Variants in IL1RAPL2 observed in about 807,000 individuals in gnomAD.
IL1RAPL2 encodes X-linked interleukin-1 receptor accessory protein-like 2.
A neutral mutation model predicts 44.1 loss-of-function variants in IL1RAPL2; 3 were observed. That is an observed-to-expected ratio of 0.07 (90% CI 0.03 to 0.18). IL1RAPL2 has a LOEUF of 0.18. Among genes scored for constraint, IL1RAPL2 ranks in the 10% least tolerant of loss-of-function variants. The pLI, the probability that IL1RAPL2 is intolerant of heterozygous loss-of-function variation, is 1.00. For synonymous variants in IL1RAPL2, 181 were observed against 178.8 expected (o/e 1.01, Z -0.10); for missense variants, 391 against 496.4 (o/e 0.79, Z 2.02).
intron 2 of IL1RAPL2, among the ~76,000 whole-genome samples, chrX:105,015,140 T>A (rs1346055416): frequency 9.1e-6 from 1 of 109,829 alleles, no homozygotes; most frequent in Non-Finnish European, 1.9e-5. Flanking sequence ...TTCATATCTT[T>A]TGCCTACTTT....
At chrX:105,736,684 C>T (rs2038452404) in intron 7 of IL1RAPL2, among the ~76,000 whole-genome samples, 1 of 111,562 alleles carries the variant, frequency 9.0e-6, no homozygotes, top group Admixed American at 9.5e-5. Flanking sequence ...CATCTCACAC[C>T]ATTCAGAATG....
At chrX:104,735,351 G>A (rs1294311794) in intron 2 of IL1RAPL2, among the ~76,000 whole-genome samples, 2 of 111,139 alleles carry the variant, frequency 1.8e-5, no homozygotes, top group African/African-American at 3.3e-5. Flanking sequence ...GAAATGATAT[G>A]TGCTGATGTC....
chrX:104,817,747 AAG>A (rs1454466611), intron 2 of IL1RAPL2, among the ~76,000 whole-genome samples: 1 of 112,107 alleles, frequency 8.9e-6, no homozygotes, highest in African/African-American at 3.2e-5. Flanking sequence ...CCTTGGTATG[AAG>A]ATTAAATGAA....
At chrX:104,897,795 A>G (rs1923697629) in intron 2 of IL1RAPL2, among the ~76,000 whole-genome samples, 1 of 112,050 alleles carries the variant, frequency 8.9e-6, no homozygotes, top group South Asian at 3.7e-4. Context: ...TTGCCCTCCA[A>G]AAGTGCCATG....
chrX:104,830,131 C>T (rs1921567284), intron 2 of IL1RAPL2, among the ~76,000 whole-genome samples: 1 of 111,240 alleles, frequency 9.0e-6, no homozygotes, highest in Non-Finnish European at 1.9e-5. Context: ...GTGGTTTATC[C>T]AACTCTTGGC....
At chrX:105,081,439 A>G (rs920822238) in intron 2 of IL1RAPL2, among the ~76,000 whole-genome samples, 1 of 111,645 alleles carries the variant, frequency 9.0e-6, no homozygotes, top group Admixed American at 9.6e-5. Context: ...TCCTTAAACT[A>G]AAAGTTAAAA....
intron 5 of IL1RAPL2, among the ~76,000 whole-genome samples, chrX:105,439,053 G>T (rs914548290): frequency 9.0e-6 from 1 of 111,323 alleles, no homozygotes; most frequent in Non-Finnish European, 1.9e-5. Context: ...CTGCTGCCAG[G>T]TAAGACATGC....
At chrX:104,570,453 G>T (rs1057392255) in intron 1 of IL1RAPL2, among the ~76,000 whole-genome samples, 3 of 111,885 alleles carry the variant, frequency 2.7e-5, no homozygotes, top group Admixed American at 9.5e-5. Context: ...ACTTTGGGAG[G>T]CTGAGGCGGG....
chrX:104,723,936 A>C (rs1931736450), intron 2 of IL1RAPL2, among the ~76,000 whole-genome samples: 1 of 111,448 alleles, frequency 9.0e-6, no homozygotes, highest in Non-Finnish European at 1.9e-5. Context: ...TGTTACCAAC[A>C]TGTGACTAAA....
rs755348037 is a variant in IL1RAPL2, at chrX:104,685,944, A to T, written c.82+26949A>T. 1.6e-3 allele frequency among the ~76,000 whole-genome samples: 169 copies of T among 108,907 alleles called. 1 individual carries two copies. The highest frequency in any genetic ancestry group is 5.2e-3 in the African/African-American group (158 of 30,112). The allele number at this position is 108,907 out of a possible 115,157, so 94.6% of individuals were successfully genotyped here. On this transcript the variant is annotated intron_variant, in intron 2 of 10. Transcript: ENST00000372582. ...CTCTGTCTCAAAATAAATAAATAAT[A>T]AATAAATAAATAAATAAATAATAAA...
intron 6 of IL1RAPL2, among the ~76,000 whole-genome samples, chrX:105,551,471 A>G (rs2036855152): frequency 9.0e-6 from 1 of 111,193 alleles, no homozygotes; most frequent in Admixed American, 9.6e-5. Flanking sequence ...TGGACATTTC[A>G]GTAGAACAAC....
intron 3 of IL1RAPL2, among the ~76,000 whole-genome samples, chrX:105,216,829 C>T (rs1377771103): frequency 8.9e-6 from 1 of 111,837 alleles, no homozygotes; most frequent in Non-Finnish European, 1.9e-5. Context: ...CTTCGACAAA[C>T]CTCACAAAAA....
chrX:105,488,989 A>C (rs1209493690), intron 6 of IL1RAPL2, among the ~76,000 whole-genome samples: 1 of 112,103 alleles, frequency 8.9e-6, no homozygotes, highest in African/African-American at 3.2e-5. Context: ...TAGTGATGAC[A>C]GTTTGGTTGT....
chrX:105,097,330 C>CAAAAAAAAAAA (rs201390547), intron 2 of IL1RAPL2, among the ~76,000 whole-genome samples: 9 of 43,178 alleles, frequency 2.1e-4, no homozygotes, highest in African/African-American at 9.5e-4. Flanking sequence ...CAGTGTCAGA[C>CAAAAAAAAAAA]AAAAAAAAAA....
In IL1RAPL2 at chrX:104,795,419, CT is replaced by C. The variant is rs35021834; in HGVS notation, c.82+136436del. 6.6e-3 allele frequency among the ~76,000 whole-genome samples: 673 copies of C among 101,704 alleles called. 4 individuals carry two copies. The highest frequency in any genetic ancestry group is 0.018 in the African/African-American group (512 of 28,252). The allele number at this position is 101,704 out of a possible 115,157, so 88.3% of individuals were successfully genotyped here. ...AAGACTTCTATCCCTCTCTCCCTTC[CT>C]TTTTTTTTTTTAACTTCAGCTTCAT... On this transcript the variant is annotated intron_variant, in intron 2 of 10. Transcript: ENST00000372582.
At chrX:104,785,212 C>T (rs756533037) in intron 2 of IL1RAPL2, among the ~76,000 whole-genome samples, 2 of 110,775 alleles carry the variant, frequency 1.8e-5, no homozygotes, top group South Asian at 7.9e-4. Context: ...CACGGGATTT[C>T]TCTATTTTGC....
At chrX:105,127,907 A>G (rs952854548) in intron 2 of IL1RAPL2, among the ~76,000 whole-genome samples, 5 of 111,403 alleles carry the variant, frequency 4.5e-5, no homozygotes, top group African/African-American at 1.6e-4. Context: ...GAAAACAGCC[A>G]GAGTATACAT....
chrX:104,927,397 G>C (rs1195042673), intron 2 of IL1RAPL2, among the ~76,000 whole-genome samples: 1 of 111,230 alleles, frequency 9.0e-6, no homozygotes, highest in Non-Finnish European at 1.9e-5. Flanking sequence ...TAGTGCTTTT[G>C]AGGTCAGGAA....
At chrX:105,274,078 A>G (rs760124114) in intron 5 of IL1RAPL2, among the ~76,000 whole-genome samples, 1 of 112,344 alleles carries the variant, frequency 8.9e-6, no homozygotes, top group African/African-American at 3.2e-5. Flanking sequence ...TACCTAGAGA[A>G]CATAAACCAA....
Sources: allele counts gnomAD v4.1 joint callset (sites outside exome capture counted in the v4.1 genomes callset), GRCh38; gene constraint gnomAD v4.1.1; transcripts MANE v1.5; gene names NCBI Gene and HGNC (gene_info 2026-07-23, HGNC 2026-07-21).